ANO4: variants seen among roughly 807,000 people sequenced by gnomAD.
ANO4 encodes anoctamin-4.
A neutral mutation model predicts 141.9 loss-of-function variants in ANO4; 69 were observed. The observed-to-expected ratio is 0.49, with a 90% CI of 0.40 to 0.59. The LOEUF is 0.59. Ranked by LOEUF, ANO4 falls within the 20% of genes least tolerant of loss-of-function variation. The probability of loss-of-function intolerance (pLI) is 0.00; values close to 1 mark genes in which losing one functional copy is unlikely to be tolerated. For synonymous variants in ANO4, 350 were observed against 394.3 expected (o/e 0.89, Z 1.33); for missense variants, 894 against 1,162.2 (o/e 0.77, Z 3.36).
At chr12:101,040,858 G>A (rs1253352614) in intron 11 of ANO4, among the ~76,000 whole-genome samples, 3 of 151,750 alleles carry the variant, frequency 2.0e-5, no homozygotes, top group Admixed American at 6.6e-5. Context: ...GTGGTGTTTG[G>A]TTTTCTGATC....
chr12:101,048,192 T>C, intron 13 of ANO4, 149 bp from the exon 14 acceptor site: 1 of 1,034,318 alleles, frequency 9.7e-7, no homozygotes, highest in Non-Finnish European at 1.4e-6. Context: ...TTTTCTTATT[T>C]ATGGTTCAAA....
intron 8 of ANO4, among the ~76,000 whole-genome samples, chr12:100,998,341 C>T (rs1219878916): frequency 6.6e-6 from 1 of 152,004 alleles, no homozygotes; most frequent in Non-Finnish European, 1.5e-5. Context: ...ATTGTGGGAC[C>T]TTGTGATCAT....
chr12:100,958,041 A>T (rs967883866), intron 5 of ANO4, among the ~76,000 whole-genome samples: 1 of 152,042 alleles, frequency 6.6e-6, no homozygotes, highest in Non-Finnish European at 1.5e-5. Flanking sequence ...CATGTCCCTC[A>T]TTACTTAGCT....
At chr12:101,042,601 C>CA in intron 12 of ANO4, 133 bp downstream of exon 12, 1 of 1,279,848 alleles carries the variant, frequency 7.8e-7, no homozygotes, top group South Asian at 1.4e-5. Flanking sequence ...TGGAAAAACT[C>CA]AAAGTTTCAG....
At position 100,964,668 on chromosome 12, in the gene ANO4, G is replaced by A. The variant is rs191836930; in HGVS notation, c.457-6638G>A. On this transcript the variant is annotated intron_variant, in intron 5 of 27. Transcript: ENST00000392977. ...TCCTTCACGCTCAGTAAATTGAAAC[G>A]TCAAGCATATTTATGCCTCAGGGCC... Among the ~76,000 whole-genome samples the A allele has an allele frequency of 2.7e-3, 413 of 152,242 alleles. 2 individuals carry two copies. The highest frequency in any genetic ancestry group is 5.0e-3 in the Non-Finnish European group (337 of 68,008).
intron 3 of ANO4, among the ~76,000 whole-genome samples, chr12:100,757,668 T>G (rs1380195937): frequency 3.9e-5 from 6 of 152,228 alleles, no homozygotes; most frequent in Non-Finnish European, 7.3e-5. Context: ...TAGTTCCTGA[T>G]AAGTGGATGT....
chr12:100,923,771 T>C (rs1248636476), intron 3 of ANO4, among the ~76,000 whole-genome samples: 1 of 152,184 alleles, frequency 6.6e-6, no homozygotes, highest in African/African-American at 2.4e-5. Flanking sequence ...AAAGCATTCC[T>C]ATTTCTTCAC....
At chr12:101,088,527 T>C (rs1309240168) in intron 17 of ANO4, among the ~76,000 whole-genome samples, 2 of 152,106 alleles carry the variant, frequency 1.3e-5, no homozygotes, top group African/African-American at 4.8e-5. Context: ...TGTTTGTTTG[T>C]TTATTTTTTT....
chr12:100,974,553 T>A (rs1386769847), intron 6 of ANO4, among the ~76,000 whole-genome samples: 1 of 151,858 alleles, frequency 6.6e-6, no homozygotes, highest in Non-Finnish European at 1.5e-5. Context: ...TACCAATCAC[T>A]CCAAATTATC....
chr12:101,110,546 C>A lies in ANO4; in HGVS notation c.2292C>A (p.Ala764=). The A allele has an allele frequency of 6.3e-7, 1 of 1,587,638 alleles. No homozygotes were observed. The highest frequency in any genetic ancestry group is 8.6e-7 in the Non-Finnish European group (1 of 1,168,278). The part of the protein sequence containing the change: ...TQWRRPLASR[A]KDIGIWYGIL... ...GGAGGAGACCTTTAGCTTCAAGGGC[C>A]AAAGACATAGGTAAGTTGGATTTGG... The change falls in exon 23 of 28, where the codon GCC becomes GCA. Residue 764 remains alanine, a synonymous_variant. Coordinates refer to ENST00000392977, the MANE Select transcript of ANO4 (RefSeq NM_001286615.2).
chr12:101,113,236 C>T (rs1399250014), intron 24 of ANO4, among the ~76,000 whole-genome samples: 1 of 152,108 alleles, frequency 6.6e-6, no homozygotes, highest in South Asian at 2.1e-4. Context: ...GATTTTCCGT[C>T]GTAATGGTGT....
intron 1 of ANO4, among the ~76,000 whole-genome samples, chr12:100,890,714 T>G (rs2040062550): frequency 6.6e-6 from 1 of 152,178 alleles, no homozygotes; most frequent in Non-Finnish European, 1.5e-5. Context: ...TGCCCCTACA[T>G]GTGCATAGCC....
intron 1 of ANO4, among the ~76,000 whole-genome samples, chr12:100,733,490 G>A (rs1308012445): frequency 1.3e-5 from 2 of 152,114 alleles, no homozygotes; most frequent in Non-Finnish European, 2.9e-5. Flanking sequence ...GCCCCCAACT[G>A]CCCAAGCACC....
Position 100,911,456 on chromosome 12 carries a change from GACCAGT to G in ANO4, c.55+9617_55+9622del, listed in dbSNP as rs552940957. On this transcript the variant is annotated intron_variant, in intron 2 of 27. Coordinates refer to ENST00000392977, the MANE Select transcript of ANO4 (RefSeq NM_001286615.2). Reference sequence around the variant, plus strand: ...CGTAAGAAAACCATACTAAAGAAGGGACCAGTTAGGTTCTGTTGATTGCTTGTGTAA... The same window carrying G: ...CGTAAGAAAACCATACTAAAGAAGGGTAGGTTCTGTTGATTGCTTGTGTAA... Among the ~76,000 whole-genome samples, 9 of 152,280 alleles carry G rather than the reference GACCAGT, an allele frequency of 5.9e-5. No individual in the cohort carries two copies. In the South Asian group the frequency reaches 1.9e-3, roughly 32 times the overall value.
Position 100,995,582 on chromosome 12 carries a change from A to G in ANO4, c.734+7912A>G, listed in dbSNP as rs141407079. ...TTTTCAAAATCAATAATGAAAATACATGCCACATATAACTCAGCATTGACC... is the reference window on the plus strand; with the variant it reads ...TTTTCAAAATCAATAATGAAAATACGTGCCACATATAACTCAGCATTGACC... On this transcript the variant is annotated intron_variant, in intron 8 of 27. Coordinates refer to ENST00000392977, the MANE Select transcript of ANO4 (RefSeq NM_001286615.2). 6.8e-3 allele frequency among the ~76,000 whole-genome samples: 1,036 copies of G among 152,340 alleles called. 19 individuals carry two copies. Among genetic ancestry groups the G allele is most frequent in the Non-Finnish European group, 5.8e-3 (392 of 68,030 alleles).
intron 8 of ANO4, among the ~76,000 whole-genome samples, chr12:101,006,501 A>G (rs1243302028): frequency 6.6e-6 from 1 of 152,232 alleles, no homozygotes; most frequent in Non-Finnish European, 1.5e-5. Context: ...GCACATGTGC[A>G]TTTTGCAGAA....
At chr12:101,080,900 T>TATATATATATATATATATATATAC (rs1194122665) in intron 15 of ANO4, among the ~76,000 whole-genome samples, 5 of 131,042 alleles carry the variant, frequency 3.8e-5, no homozygotes, top group Non-Finnish European at 3.2e-5. Context: ...TATATATATA[T>TATATATATATATATATATATATAC]ACATACACAT....
chr12:100,975,015 C>A, intron 7 of ANO4, 126 bp downstream of exon 7: 15 of 1,086,494 alleles, frequency 1.4e-5, no homozygotes, highest in African/African-American at 4.7e-5. Context: ...CTGCCATGCA[C>A]ATTTTAAAAT....
intron 3 of ANO4, among the ~76,000 whole-genome samples, chr12:100,744,091 A>T (rs1352037492): frequency 1.3e-5 from 2 of 152,080 alleles, no homozygotes; most frequent in Non-Finnish European, 2.9e-5. Flanking sequence ...CCATATTTTC[A>T]TGTCTGATTT....
Sources: gnomAD v4.1 joint callset for allele counts (sites outside exome capture counted in the v4.1 genomes callset) on GRCh38, gnomAD v4.1.1 for gene constraint, MANE v1.5 for transcripts, NCBI Gene and HGNC (gene_info 2026-07-23, HGNC 2026-07-21) for gene names.